Variants in NFIB observed in about 807,000 individuals in gnomAD.
The protein encoded by NFIB is nuclear factor 1 B-type.
A neutral mutation model predicts 61.5 loss-of-function variants in NFIB; 11 were observed. The ratio of observed to expected loss-of-function variants is 0.18; its 90% CI spans 0.11 to 0.30. The LOEUF (loss-of-function observed/expected upper bound fraction) is 0.30. Ranked by LOEUF, NFIB falls within the 10% of genes least tolerant of loss-of-function variation. NFIB has a pLI of 1.00. For synonymous variants in NFIB, 260 were observed against 216.5 expected, an observed-to-expected ratio of 1.20 and a Z score of -1.76; for missense variants, 471 against 608.9, an observed-to-expected ratio of 0.77 and a Z score of 2.38.
chr9:14,524,440 C>G, the NFIB span, among the ~76,000 whole-genome samples: 2 of 152,094 alleles, frequency 1.3e-5, no homozygotes, highest in Admixed American at 6.6e-5. Context: ...CCAGCTAAAT[C>G]TTTCCCATTA....
chr9:14,302,230 A>T (rs1168723521), intron 2 of NFIB, among the ~76,000 whole-genome samples: 1 of 152,240 alleles, frequency 6.6e-6, no homozygotes, highest in Non-Finnish European at 1.5e-5. Flanking sequence ...CTTTTCATAA[A>T]GAAATAATTG....
At chr9:14,343,349 G>T (rs181532388) in intron 1 of NFIB, among the ~76,000 whole-genome samples, 20 of 152,284 alleles carry the variant, frequency 1.3e-4, no homozygotes, top group Non-Finnish European at 2.5e-4. Flanking sequence ...TGGGGCGGGG[G>T]AGAGTGCTTA....
intron 6 of NFIB, among the ~76,000 whole-genome samples, chr9:14,132,797 C>CT (rs757093267): frequency 6.0e-4 from 91 of 152,304 alleles, no homozygotes; most frequent in Non-Finnish European, 1.2e-3. Context: ...AACTCCTAGT[C>CT]TCACGAGATC....
the NFIB span, among the ~76,000 whole-genome samples, chr9:14,413,026 G>A: frequency 6.6e-6 from 1 of 152,100 alleles, no homozygotes; most frequent in Admixed American, 6.5e-5. Context: ...AACTGGCACT[G>A]CCATCTCTAA....
At chr9:14,353,774 G>C (rs7024950) in intron 1 of NFIB, among the ~76,000 whole-genome samples, 9,035 of 151,356 alleles carry the variant, frequency 0.06, 316 homozygotes, top group African/African-American at 0.081. Flanking sequence ...TGCTAAGGGA[G>C]TTGAAGTTGA....
chr9:14,387,640 TAAGAC>T (rs1352158022), intron 1 of NFIB, among the ~76,000 whole-genome samples: 2 of 152,128 alleles, frequency 1.3e-5, no homozygotes, highest in Non-Finnish European at 2.9e-5. Context: ...AAATGCAAAT[TAAGAC>T]AAGATATCAT....
intron 3 of NFIB, among the ~76,000 whole-genome samples, chr9:14,168,138 T>C (rs1437405978): frequency 1.3e-5 from 2 of 152,200 alleles, no homozygotes; most frequent in African/African-American, 2.4e-5. Context: ...TTTCTAGGCC[T>C]AGGTCAGGTT....
chr9:14,196,271 C>T (rs545856251), intron 2 of NFIB, among the ~76,000 whole-genome samples: 2 of 152,204 alleles, frequency 1.3e-5, no homozygotes, highest in South Asian at 2.1e-4. Flanking sequence ...TAGCTTCACT[C>T]GCTTGGGTTA....
At chr9:14,258,235 T>A (rs1009180868) in intron 2 of NFIB, among the ~76,000 whole-genome samples, 2 of 152,232 alleles carry the variant, frequency 1.3e-5, no homozygotes, top group Non-Finnish European at 2.9e-5. Context: ...CAACATGCAA[T>A]TTAACCAATA....
intron 2 of NFIB, among the ~76,000 whole-genome samples, chr9:14,205,570 G>C (rs939436629): frequency 6.6e-6 from 1 of 151,950 alleles, no homozygotes; most frequent in African/African-American, 2.4e-5. Context: ...AGACTGTTCC[G>C]CAAGTTTAAG....
In NFIB at chr9:14,284,818, A is replaced by G. The variant is rs577906617; in HGVS notation, c.562+22171T>C. ...GAGTGGGATAGGGAAGATCTTTATCATAAGTCAACAATGAAGACCATGATA... is the reference window on the plus strand; with the variant it reads ...GAGTGGGATAGGGAAGATCTTTATCGTAAGTCAACAATGAAGACCATGATA... On this transcript the variant is annotated intron_variant, in intron 2 of 10. Coordinates refer to ENST00000380953, the MANE Select transcript of NFIB (RefSeq NM_001190737.2). 9.8e-5 allele frequency among the ~76,000 whole-genome samples: 15 copies of G among 152,348 alleles called. No homozygotes were observed. In the East Asian group the frequency reaches 2.7e-3, roughly 27 times the overall value.
the NFIB span, among the ~76,000 whole-genome samples, chr9:14,489,745 A>C: frequency 6.6e-6 from 1 of 152,024 alleles, no homozygotes; most frequent in African/African-American, 2.4e-5. Context: ...GTTTGCTTTT[A>C]TATTTTACAA....
chr9:14,375,546 G>T (rs1027522204), intron 1 of NFIB, among the ~76,000 whole-genome samples: 7 of 151,984 alleles, frequency 4.6e-5, no homozygotes, highest in African/African-American at 7.3e-5. Context: ...CAATCCCAGC[G>T]ACTTGGGAGG....
intron 2 of NFIB, among the ~76,000 whole-genome samples, chr9:14,187,204 ACTTTAT>A (rs1245867777): frequency 6.6e-6 from 1 of 152,092 alleles, no homozygotes; most frequent in Non-Finnish European, 1.5e-5. Context: ...AAAAGTTTTA[ACTTTAT>A]CACTTTGTTA....
At chr9:14,321,998 C>T (rs1377805572) in intron 1 of NFIB, 1 of 1,229,726 alleles carries the variant, frequency 8.1e-7, no homozygotes, top group African/African-American at 1.6e-5. Context: ...GAACCCTGGG[C>T]CGCTGACTTG....
intron 2 of NFIB, among the ~76,000 whole-genome samples, chr9:14,214,172 C>T (rs536343003): frequency 4.6e-5 from 7 of 152,266 alleles, no homozygotes; most frequent in Non-Finnish European, 8.8e-5. Context: ...AAAGAGAGAA[C>T]CTGCACTTCT....
chr9:14,113,175 G>T, intron 9 of NFIB, 94 bp from the exon 10 acceptor site: 2 of 1,073,604 alleles, frequency 1.9e-6, no homozygotes, highest in Non-Finnish European at 1.3e-6. Flanking sequence ...AGTGGGATTT[G>T]CAACCAAAAA....
At chr9:14,390,037 T>C (rs909471765) in intron 1 of NFIB, among the ~76,000 whole-genome samples, 1 of 152,184 alleles carries the variant, frequency 6.6e-6, no homozygotes, top group African/African-American at 2.4e-5. Flanking sequence ...TGCCATTGTC[T>C]TAAACCCTAC....
intron 2 of NFIB, among the ~76,000 whole-genome samples, chr9:14,251,066 G>C (rs753477435): frequency 6.6e-6 from 1 of 152,150 alleles, no homozygotes; most frequent in Non-Finnish European, 1.5e-5. Context: ...CATAATTAAA[G>C]ATTATAGTAT....
Sources: allele counts gnomAD v4.1 joint callset (sites outside exome capture counted in the v4.1 genomes callset), GRCh38; gene constraint gnomAD v4.1.1; transcripts MANE v1.5; gene names NCBI Gene and HGNC (gene_info 2026-07-23, HGNC 2026-07-21).